SYNDIG1: variants seen among roughly 807,000 people sequenced by gnomAD.
SYNDIG1 encodes the protein synapse differentiation inducing 1, also known as synapse differentiation-inducing gene protein 1.
SYNDIG1 carries 9 observed loss-of-function variants against 19.4 expected under a neutral mutation model. The ratio of observed to expected loss-of-function variants is 0.46; its 90% CI spans 0.28 to 0.81. SYNDIG1 has a LOEUF of 0.81. SYNDIG1 is among the 30% of genes least tolerant of loss of function. SYNDIG1 has a pLI of 0.12. For missense variants in SYNDIG1, 311 were observed against 343.3 expected, an observed-to-expected ratio of 0.91 and a Z score of 0.74; for synonymous variants, 141 against 145.9, an observed-to-expected ratio of 0.97 and a Z score of 0.24.
At chr20:24,552,575 T>C (rs903268267) in intron 2 of SYNDIG1, among the ~76,000 whole-genome samples, 2 of 152,118 alleles carry the variant, frequency 1.3e-5, no homozygotes, top group African/African-American at 2.4e-5. Context: ...TTTTTTGTCC[T>C]TGCAATAGTT....
At chr20:24,547,485 G>A (rs1033427344) in intron 2 of SYNDIG1, among the ~76,000 whole-genome samples, 1 of 152,172 alleles carries the variant, frequency 6.6e-6, no homozygotes, top group Admixed American at 6.5e-5. Flanking sequence ...AGCATGGCTT[G>A]ACATTAGACA....
At chr20:24,482,327 C>T (rs2055822059) in intron 1 of SYNDIG1, among the ~76,000 whole-genome samples, 1 of 152,154 alleles carries the variant, frequency 6.6e-6, no homozygotes, top group Non-Finnish European at 1.5e-5. Flanking sequence ...CCTCAGCCTC[C>T]CAAAGTGCTG....
chr20:24,558,279 G>A (rs1458217117), intron 2 of SYNDIG1, among the ~76,000 whole-genome samples: 1 of 152,160 alleles, frequency 6.6e-6, no homozygotes, highest in African/African-American at 2.4e-5. Context: ...ATTGTCTACT[G>A]GACTATTGGT....
chr20:24,521,180 G>A (rs2056994505), intron 1 of SYNDIG1, among the ~76,000 whole-genome samples: 1 of 152,152 alleles, frequency 6.6e-6, no homozygotes, highest in African/African-American at 2.4e-5. Context: ...ATAATTCAGG[G>A]TAGCATATGC....
At chr20:24,518,404 C>A (rs2056933181) in intron 1 of SYNDIG1, among the ~76,000 whole-genome samples, 1 of 152,070 alleles carries the variant, frequency 6.6e-6, no homozygotes, top group African/African-American at 2.4e-5. Flanking sequence ...TGAGAAAGGG[C>A]ATGGCTCAGA....
At chr20:24,557,800 C>T (rs149629401) in intron 2 of SYNDIG1, among the ~76,000 whole-genome samples, 1 of 152,196 alleles carries the variant, frequency 6.6e-6, no homozygotes, top group Non-Finnish European at 1.5e-5. Context: ...TCTCAGATCT[C>T]CAGCCGCATG....
At chr20:24,599,456 C>A (rs927984388) in intron 3 of SYNDIG1, among the ~76,000 whole-genome samples, 8 of 152,108 alleles carry the variant, frequency 5.3e-5, no homozygotes, top group Non-Finnish European at 2.9e-5. Context: ...AATAGAATAC[C>A]TTTGACCCAG....
intron 2 of SYNDIG1, among the ~76,000 whole-genome samples, chr20:24,580,234 G>A (rs2058299470): frequency 6.6e-6 from 1 of 152,190 alleles, no homozygotes; most frequent in South Asian, 2.1e-4. Flanking sequence ...TTCTCTGCTT[G>A]GCTTGTTGGT....
At chr20:24,504,465 A>G (rs538506638) in intron 1 of SYNDIG1, among the ~76,000 whole-genome samples, 1 of 152,298 alleles carries the variant, frequency 6.6e-6, no homozygotes, top group South Asian at 2.1e-4. Flanking sequence ...AGGAAACCCA[A>G]GCCCAAACAA....
intron 1 of SYNDIG1, among the ~76,000 whole-genome samples, chr20:24,520,485 A>G (rs1256307616): frequency 4.6e-5 from 7 of 152,124 alleles, no homozygotes; most frequent in Non-Finnish European, 1.5e-5. Context: ...CACAACCTCA[A>G]GAGTTTGGGT....
chr20:24,589,461 C>G (rs1385591450), intron 3 of SYNDIG1, among the ~76,000 whole-genome samples: 1 of 152,222 alleles, frequency 6.6e-6, no homozygotes, highest in Non-Finnish European at 1.5e-5. Context: ...ACCATCCCCC[C>G]ACCCTGCTTG....
intron 2 of SYNDIG1, among the ~76,000 whole-genome samples, chr20:24,573,882 A>G (rs2058184254): frequency 6.6e-6 from 1 of 152,094 alleles, no homozygotes; most frequent in African/African-American, 2.4e-5. Flanking sequence ...AGCTCCCCTT[A>G]CCCCACACCT....
chr20:24,534,983 C>T (rs997886935), intron 1 of SYNDIG1, among the ~76,000 whole-genome samples: 1 of 152,224 alleles, frequency 6.6e-6, no homozygotes, highest in African/African-American at 2.4e-5. Context: ...TATTTTGTCA[C>T]CAACCACTGG....
rs144878421 is a variant in SYNDIG1, at chr20:24,647,933, G to C, written c.619-17413G>C. On this transcript the variant is annotated intron_variant, in intron 3 of 3. Coordinates refer to ENST00000376862, the MANE Select transcript of SYNDIG1 (RefSeq NM_024893.3). Reference sequence around the variant, plus strand: ...GCATCTGAGATCAGGGTACTAGCACGGTCAGGTTCTGGGGAGGGCTCTCTT... The same window carrying C: ...GCATCTGAGATCAGGGTACTAGCACCGTCAGGTTCTGGGGAGGGCTCTCTT... 1.5e-3 allele frequency among the ~76,000 whole-genome samples: 229 copies of C among 151,972 alleles called. 3 individuals carry two copies. Among genetic ancestry groups the C allele is most frequent in the Non-Finnish European group, 1.8e-3 (120 of 67,980 alleles).
intron 1 of SYNDIG1, chr20:24,491,887 G>T (rs964478273): frequency 2.6e-5 from 4 of 152,224 alleles, no homozygotes; most frequent in Non-Finnish European, 5.9e-5. Context: ...GAAGCTGATC[G>T]TTTCCTTCAA....
intron 2 of SYNDIG1, among the ~76,000 whole-genome samples, chr20:24,555,159 A>T (rs1008735804): frequency 2.0e-5 from 3 of 151,994 alleles, no homozygotes; most frequent in Non-Finnish European, 4.4e-5. Context: ...TATCCCCTTT[A>T]TCATTTTTTA....
intron 3 of SYNDIG1, among the ~76,000 whole-genome samples, chr20:24,661,334 G>A (rs1320604506): frequency 6.5e-4 from 86 of 132,956 alleles, no homozygotes; most frequent in South Asian, 1.3e-3. Flanking sequence ...GGAAGAGAGG[G>A]GGAGGAAGGA....
intron 3 of SYNDIG1, among the ~76,000 whole-genome samples, chr20:24,635,333 T>C (rs2059304870): frequency 6.6e-6 from 1 of 152,220 alleles, no homozygotes; most frequent in Non-Finnish European, 1.5e-5. Context: ...TCACAGAACC[T>C]CTGACCAAAG....
rs1013045214 is a variant in SYNDIG1 at position 24,543,128 on chromosome 20, C to T, written c.31C>T (p.Leu11=). 3.1e-6 allele frequency: 5 copies of T among 1,613,990 alleles called. No individual in the cohort carries two copies. The highest frequency in any genetic ancestry group is 2.2e-5 in the East Asian group (1 of 44,890). Residue 11 remains leucine, a synonymous_variant, in exon 2 of 4, where the codon CTG becomes TTG. Transcript: ENST00000376862. ...TGGCATCATTGAACAGAAGAGCATG[C>T]TGGTGCACAGTAAAATCAGTGATGC... is the stretch of plus-strand genomic sequence containing the variant. MDGIIEQKSM[L]VHSKISDAGK... is the part of the protein sequence containing the mutation.
Sources: allele counts gnomAD v4.1 joint callset (sites outside exome capture counted in the v4.1 genomes callset), GRCh38; gene constraint gnomAD v4.1.1; transcripts MANE v1.5; gene names NCBI Gene and HGNC (gene_info 2026-07-23, HGNC 2026-07-21).